EVI5: variants seen among roughly 807,000 people sequenced by gnomAD.
The protein encoded by EVI5 is ecotropic viral integration site 5 protein homolog.
EVI5 carries 73 observed loss-of-function variants against 112.0 expected under a neutral mutation model. The observed-to-expected ratio is 0.65, with a 90% CI of 0.54 to 0.79. EVI5 has a LOEUF of 0.79. EVI5 is among the 30% of genes least tolerant of loss of function. The pLI is 0.00. For missense variants in EVI5, 900 were observed against 968.8 expected, an observed-to-expected ratio of 0.93 and a Z score of 0.94; for synonymous variants, 305 against 319.9, an observed-to-expected ratio of 0.95 and a Z score of 0.50.
At chr1:92,519,084 G>A (rs906803594) in intron 19 of EVI5, among the ~76,000 whole-genome samples, 1 of 152,078 alleles carries the variant, frequency 6.6e-6, no homozygotes, top group Non-Finnish European at 1.5e-5. Context: ...ATCATGAGAT[G>A]TAGAATCTAA....
At chr1:92,581,842 T>C (rs1019503093) in intron 18 of EVI5, among the ~76,000 whole-genome samples, 2 of 152,190 alleles carry the variant, frequency 1.3e-5, no homozygotes, top group Non-Finnish European at 2.9e-5. Flanking sequence ...TACCTGCTCT[T>C]ATGGCATAGA....
intron 1 of EVI5, among the ~76,000 whole-genome samples, chr1:92,763,550 C>G (rs114283895): frequency 1.3e-5 from 2 of 151,924 alleles, no homozygotes; most frequent in African/African-American, 4.8e-5. Flanking sequence ...TGGAGTTTGA[C>G]GCTGCAATGA....
chr1:92,637,990 A>T (rs1307113199), intron 13 of EVI5, among the ~76,000 whole-genome samples: 1 of 152,332 alleles, frequency 6.6e-6, no homozygotes, highest in East Asian at 1.9e-4. Flanking sequence ...ATTAGGAAAA[A>T]GGCATTCTTT....
rs1047359449 is a variant in EVI5 at position 92,666,060 on chromosome 1, G to C, written c.1159-68C>G. 2.5e-5 allele frequency: 25 copies of C among 982,808 alleles called. No homozygotes were observed. The African/African-American group carries it at 3.9e-4, about 15-fold the overall frequency. 60.9% of individuals were successfully genotyped at this position (982,808 alleles called of 1,614,324 possible). A position where few individuals can be genotyped will look rare whatever the true frequency, so the allele number is the denominator to read the frequency against. On this transcript the variant is annotated intron_variant, in intron 10 of 19. Transcript: ENST00000684568. ...GGAAAAAAAAGATTTCTAAATCACA[G>C]TCCTGAAAATGTATCACCTTTTATA...
intron 9 of EVI5, among the ~76,000 whole-genome samples, chr1:92,692,506 A>T (rs1669654245): frequency 1.3e-5 from 2 of 152,214 alleles, no homozygotes; most frequent in South Asian, 4.1e-4. Context: ...AACTTAATAA[A>T]AGCTGAAGCT....
intron 13 of EVI5, among the ~76,000 whole-genome samples, chr1:92,636,975 G>A (rs549743157): frequency 1.3e-5 from 2 of 151,988 alleles, no homozygotes; most frequent in East Asian, 3.9e-4. Context: ...TACTACAGAA[G>A]ACATGTAAAG....
chr1:92,529,978 CAT>C (rs1367943694), intron 19 of EVI5, among the ~76,000 whole-genome samples: 2 of 152,052 alleles, frequency 1.3e-5, no homozygotes, highest in African/African-American at 2.4e-5. Context: ...TTTTCTAAAT[CAT>C]ATGATTTGAC....
intron 2 of EVI5, among the ~76,000 whole-genome samples, chr1:92,726,675 T>A (rs933257651): frequency 2.0e-5 from 3 of 152,182 alleles, no homozygotes. Context: ...TTTTTTCTTA[T>A]TATTTCAATC....
At chr1:92,521,134 G>C (rs939441469) in intron 19 of EVI5, among the ~76,000 whole-genome samples, 2 of 151,724 alleles carry the variant, frequency 1.3e-5, no homozygotes, top group Admixed American at 1.3e-4. Context: ...GCTAATTTGT[G>C]TATTTTCTTT....
intron 16 of EVI5, among the ~76,000 whole-genome samples, chr1:92,608,210 G>A (rs573841473): frequency 2.0e-5 from 3 of 152,102 alleles, no homozygotes; most frequent in Non-Finnish European, 4.4e-5. Context: ...CCAAAGGAAT[G>A]CATACTGTCA....
intron 19 of EVI5, among the ~76,000 whole-genome samples, chr1:92,514,630 T>C (rs955339372): frequency 2.0e-5 from 3 of 152,172 alleles, no homozygotes; most frequent in African/African-American, 7.2e-5. Flanking sequence ...CTAGAGATAA[T>C]ATAATGGACT....
chr1:92,743,597 T>C (rs1319054197), intron 1 of EVI5, among the ~76,000 whole-genome samples: 1 of 152,056 alleles, frequency 6.6e-6, no homozygotes, highest in East Asian at 1.9e-4. Context: ...ATGATGGTGA[T>C]GGTGGTTGTA....
At chr1:92,750,661 C>T (rs963144868) in intron 1 of EVI5, among the ~76,000 whole-genome samples, 6 of 152,126 alleles carry the variant, frequency 3.9e-5, no homozygotes, top group Non-Finnish European at 7.4e-5. Context: ...ATGTCTACCC[C>T]GTTGCCTTTT....
intron 19 of EVI5, among the ~76,000 whole-genome samples, chr1:92,546,856 T>C (rs1187793651): frequency 6.6e-6 from 1 of 152,104 alleles, no homozygotes; most frequent in Non-Finnish European, 1.5e-5. Flanking sequence ...AGCAAGTCCT[T>C]AGAGACCTAC....
intron 9 of EVI5, among the ~76,000 whole-genome samples, chr1:92,678,004 G>T (rs888117926): frequency 6.6e-6 from 1 of 152,054 alleles, no homozygotes; most frequent in African/African-American, 2.4e-5. Flanking sequence ...TAAACACTGG[G>T]TACTCATGGA....
intron 2 of EVI5, among the ~76,000 whole-genome samples, chr1:92,717,662 T>A (rs979126577): frequency 2.0e-5 from 3 of 152,244 alleles, no homozygotes; most frequent in Middle Eastern, 3.4e-3. Context: ...CCAGCTAGCA[T>A]CATAATGACA....
chr1:92,596,308 C>T (rs565475179), intron 18 of EVI5, among the ~76,000 whole-genome samples: 1 of 152,176 alleles, frequency 6.6e-6, no homozygotes, highest in African/African-American at 2.4e-5. Flanking sequence ...TACAATGAGC[C>T]GTGACTGCGC....
chr1:92,677,625 G>C (rs1201503181), intron 9 of EVI5, among the ~76,000 whole-genome samples: 1 of 152,036 alleles, frequency 6.6e-6, no homozygotes, highest in South Asian at 2.1e-4. Context: ...TGAGGGAAAG[G>C]GGACAACTCT....
intron 1 of EVI5, among the ~76,000 whole-genome samples, chr1:92,747,892 T>C (rs554709117): frequency 6.6e-6 from 1 of 152,202 alleles, no homozygotes; most frequent in South Asian, 2.1e-4. Flanking sequence ...CAGCATTTCT[T>C]GGTTTGCAGT....
Sources: gnomAD v4.1 joint callset for allele counts (sites outside exome capture counted in the v4.1 genomes callset) on GRCh38, gnomAD v4.1.1 for gene constraint, MANE v1.5 for transcripts, NCBI Gene and HGNC (gene_info 2026-07-23, HGNC 2026-07-21) for gene names.